ME2: variants seen among roughly 807,000 people sequenced by gnomAD.
ME2 encodes the protein malic enzyme 2.
A neutral mutation model predicts 73.7 loss-of-function variants in ME2; 60 were observed. The ratio of observed to expected loss-of-function variants is 0.81; its 90% CI spans 0.66 to 1.01. The LOEUF is 1.01. Ranked by LOEUF, ME2 falls within the 50% of genes least tolerant of loss-of-function variation. The pLI is 0.00. For synonymous variants in ME2, 199 were observed against 236.9 expected (o/e 0.84, Z 1.47); for missense variants, 594 against 705.5 (o/e 0.84, Z 1.79).
intron 12 of ME2, 23 bp downstream of exon 12, chr18:50,925,921 A>T: frequency 1.3e-6 from 2 of 1,541,238 alleles, no homozygotes; most frequent in Non-Finnish European, 9.0e-7. Context: ...ACATGAATTG[A>T]TATGTATATT....
intron 15 of ME2, among the ~76,000 whole-genome samples, chr18:50,943,840 GA>G (rs766991128): frequency 1.8e-4 from 27 of 152,112 alleles, no homozygotes; most frequent in Non-Finnish European, 3.7e-4. Context: ...TTAGAGCCCA[GA>G]ACTAGGATGA....
chr18:50,914,398 C>G (rs1917237475), intron 4 of ME2, among the ~76,000 whole-genome samples: 1 of 152,178 alleles, frequency 6.6e-6, no homozygotes, highest in Admixed American at 6.5e-5. Context: ...TTAGTCTAGA[C>G]TTAGGAGTTT....
chr18:50,910,582 T>G (rs987826678), intron 3 of ME2, among the ~76,000 whole-genome samples: 5 of 152,162 alleles, frequency 3.3e-5, no homozygotes, highest in African/African-American at 1.2e-4. Context: ...AAAAATGAAA[T>G]GTAACACTGA....
At chr18:50,920,370 T>C (rs1392052140) in intron 7 of ME2, 86 bp from the exon 8 acceptor site, 1 of 931,402 alleles carries the variant, frequency 1.1e-6, no homozygotes, top group Non-Finnish European at 1.6e-6. Context: ...ACATTATTTT[T>C]GAATGCTATC....
chr18:50,897,207 G>A (rs181409415), intron 2 of ME2, among the ~76,000 whole-genome samples: 3 of 152,122 alleles, frequency 2.0e-5, no homozygotes, highest in East Asian at 1.9e-4. Flanking sequence ...ACTATATTTC[G>A]GGTTCCTTTT....
At chr18:50,895,009 A>T (rs917802097) in intron 1 of ME2, among the ~76,000 whole-genome samples, 1 of 151,936 alleles carries the variant, frequency 6.6e-6, no homozygotes, top group East Asian at 1.9e-4. Context: ...CACACATATC[A>T]TGGATTTCTC....
chr18:50,895,106 A>G (rs1387783158), intron 1 of ME2, among the ~76,000 whole-genome samples: 3 of 152,102 alleles, frequency 2.0e-5, no homozygotes, highest in Non-Finnish European at 4.4e-5. Flanking sequence ...AGCATTTCAA[A>G]TTCTGATTTT....
intron 1 of ME2, among the ~76,000 whole-genome samples, chr18:50,892,674 CT>C (rs1244693441): frequency 6.6e-6 from 1 of 151,838 alleles, no homozygotes; most frequent in Non-Finnish European, 1.5e-5. Flanking sequence ...CTTATTAGTT[CT>C]AGTATTTTTT....
In ME2 at chr18:50,947,285, T is replaced by G; in HGVS notation, c.*101T>G. 8.1e-7 allele frequency: 1 copy of G among 1,240,818 alleles called. No individual in the cohort carries two copies. Among genetic ancestry groups the G allele is most frequent in the Non-Finnish European group, 1.1e-6 (1 of 882,960 alleles). The allele number at this position is 1,240,818 out of a possible 1,614,324, so 76.9% of individuals were successfully genotyped here. A position where few individuals can be genotyped will look rare whatever the true frequency, so the allele number is the denominator to read the frequency against. ...TTTTATGGTGTTTTCTGTGTTTTGT[T>G]CTCCCTGACCACTTTGGTTGATGTA... On this transcript the variant is annotated 3_prime_UTR_variant, in exon 16 of 16. Coordinates refer to ENST00000321341, the MANE Select transcript of ME2 (RefSeq NM_002396.5).
chr18:50,921,025 C>A, intron 9 of ME2, 49 bp from the exon 10 acceptor site: 1 of 871,860 alleles, frequency 1.1e-6, no homozygotes, highest in Non-Finnish European at 1.8e-6. Flanking sequence ...GTAATTCAAG[C>A]ATTGCATCGT....
chr18:50,947,423 T>C lies in ME2; in HGVS notation c.*239T>C. ...TGCTTTAATTCTAACATACAGCCCG[T>C]ACCACATCCAGGAGATGTAAAAAGT... On this transcript the variant is annotated 3_prime_UTR_variant, in exon 16 of 16. Transcript: ENST00000321341. The C allele has an allele frequency of 4.4e-6, 2 of 456,470 alleles. No homozygotes were observed. The highest frequency in any genetic ancestry group is 7.8e-6 in the Non-Finnish European group (2 of 256,992). The allele number at this position is 456,470 out of a possible 1,614,324, so 28.3% of individuals were successfully genotyped here. A position where few individuals can be genotyped will look rare whatever the true frequency, so the allele number is the denominator to read the frequency against.
chr18:50,922,971 C>T (rs113220050), intron 10 of ME2, among the ~76,000 whole-genome samples: 1 of 152,108 alleles, frequency 6.6e-6, no homozygotes, highest in African/African-American at 2.4e-5. Flanking sequence ...AATATGAGTT[C>T]TCAGTTGGTT....
chr18:50,903,919 T>A (rs1158096332), intron 2 of ME2, among the ~76,000 whole-genome samples: 2 of 151,764 alleles, frequency 1.3e-5, no homozygotes. Flanking sequence ...ATGAGACACA[T>A]GTTTATTATT....
intron 6 of ME2, among the ~76,000 whole-genome samples, 185 bp from the exon 7 acceptor site, chr18:50,917,925 C>G (rs1917322075): frequency 6.6e-6 from 1 of 151,494 alleles, no homozygotes; most frequent in Admixed American, 6.6e-5. Flanking sequence ...GAGCCGAGAT[C>G]ACACCATTGC....
At chr18:50,894,966 A>AC (rs979194072) in intron 1 of ME2, among the ~76,000 whole-genome samples, 1 of 152,014 alleles carries the variant, frequency 6.6e-6, no homozygotes, top group Non-Finnish European at 1.5e-5. Context: ...AAAAAAAAAA[A>AC]AAATCCTTAT....
At chr18:50,918,649 TCTC>T (rs1007381046) in intron 7 of ME2, among the ~76,000 whole-genome samples, 138 of 152,070 alleles carry the variant, frequency 9.1e-4, no homozygotes, top group African/African-American at 3.1e-3. Flanking sequence ...AACTCTCTCT[TCTC>T]TTGACTGCTA....
intron 13 of ME2, chr18:50,933,522 G>A (rs1917746456): frequency 6.6e-6 from 1 of 151,982 alleles, no homozygotes; most frequent in Admixed American, 6.6e-5. Context: ...AATAGAAACT[G>A]TCCTGTCATC....
intron 3 of ME2, among the ~76,000 whole-genome samples, chr18:50,908,439 T>C (rs1917067321): frequency 6.6e-6 from 1 of 152,218 alleles, no homozygotes; most frequent in Non-Finnish European, 1.5e-5. Context: ...TTGAATGGAA[T>C]ATTAGAAGCA....
At chr18:50,942,549 C>G (rs1476049462) in intron 15 of ME2, among the ~76,000 whole-genome samples, 1 of 152,036 alleles carries the variant, frequency 6.6e-6, no homozygotes, top group East Asian at 1.9e-4. Context: ...TGAGTATTCT[C>G]CAATCACTAT....
Sources: allele counts gnomAD v4.1 joint callset (sites outside exome capture counted in the v4.1 genomes callset), GRCh38; gene constraint gnomAD v4.1.1; transcripts MANE v1.5; gene names NCBI Gene and HGNC (gene_info 2026-07-23, HGNC 2026-07-21).